Variants in DLG2 observed in about 807,000 individuals in gnomAD.
The protein encoded by DLG2 is disks large homolog 2.
In DLG2, 45 loss-of-function variants were observed where a neutral mutation model predicts 132.5. The observed-to-expected ratio is 0.34, with a 90% CI of 0.27 to 0.44. DLG2 has a LOEUF of 0.44. Ranked by LOEUF, DLG2 falls within the 20% of genes least tolerant of loss-of-function variation. The pLI, the probability that DLG2 is intolerant of heterozygous loss-of-function variation, is 1.00. For missense variants in DLG2, 1,045 were observed against 1,196.9 expected, an observed-to-expected ratio of 0.87 and a Z score of 1.87; for synonymous variants, 424 against 419.6, an observed-to-expected ratio of 1.01 and a Z score of -0.13.
chr11:83,842,563 T>G (rs2057817986), intron 16 of DLG2, among the ~76,000 whole-genome samples: 1 of 137,992 alleles, frequency 7.2e-6, no homozygotes, highest in African/African-American at 2.7e-5. Flanking sequence ...GCACGGTGGC[T>G]CATGCTTGTA....
intron 6 of DLG2, among the ~76,000 whole-genome samples, chr11:84,841,661 A>C (rs1014753957): frequency 2.0e-5 from 3 of 152,022 alleles, no homozygotes; most frequent in Admixed American, 2.0e-4. Context: ...TCTGAAAAAC[A>C]CACCACTGAA....
intron 3 of DLG2, among the ~76,000 whole-genome samples, chr11:85,346,727 A>G (rs2152870104): frequency 6.6e-6 from 1 of 152,208 alleles, no homozygotes; most frequent in South Asian, 2.1e-4. Flanking sequence ...CTCAAAATGG[A>G]GTCGCTTTGG....
At chr11:85,210,780 A>T (rs1266460521) in intron 4 of DLG2, among the ~76,000 whole-genome samples, 1 of 152,094 alleles carries the variant, frequency 6.6e-6, no homozygotes, top group Non-Finnish European at 1.5e-5. Context: ...GGGCTCAGGA[A>T]CTACCCATCA....
rs113779255 is a variant in DLG2, at chr11:84,127,824, G to T, written c.625-28777C>A. The stretch of plus-strand genomic sequence containing the variant: ...TTTTCTGTAAGAAACAGTCCTTATT[G>T]GATTAGGGCCCACCCTAATGACCTC... On this transcript the variant is annotated intron_variant, in intron 9 of 27. Coordinates refer to ENST00000376104, the MANE Select transcript of DLG2 (RefSeq NM_001142699.3). Among the ~76,000 whole-genome samples the T allele has an allele frequency of 6.4e-3, 970 of 152,048 alleles. 9 individuals carry two copies. Among genetic ancestry groups the T allele is most frequent in the African/African-American group, 0.022 (932 of 41,458 alleles).
intron 5 of DLG2, among the ~76,000 whole-genome samples, chr11:85,122,452 T>A (rs561305262): frequency 6.6e-6 from 1 of 152,296 alleles, no homozygotes; most frequent in African/African-American, 2.4e-5. Flanking sequence ...GGAAACCAAA[T>A]GTTATTGATT....
chr11:83,659,529 C>T (rs1817993730), intron 18 of DLG2, among the ~76,000 whole-genome samples: 1 of 152,230 alleles, frequency 6.6e-6, no homozygotes, highest in African/African-American at 2.4e-5. Context: ...ACTCACCTGG[C>T]AGGCCAATAG....
chr11:83,764,307 C>A (rs1395871597), intron 18 of DLG2, among the ~76,000 whole-genome samples: 1 of 152,104 alleles, frequency 6.6e-6, no homozygotes, highest in Non-Finnish European at 1.5e-5. Context: ...CCACTCCCAG[C>A]TTTTGGAACT....
intron 18 of DLG2, among the ~76,000 whole-genome samples, chr11:83,723,985 C>G (rs2089371968): frequency 1.3e-5 from 2 of 152,172 alleles, no homozygotes; most frequent in African/African-American, 4.8e-5. Flanking sequence ...GATTTGAATT[C>G]AGGCAGAATA....
At chr11:84,299,046 A>C (rs1286783109) in intron 7 of DLG2, among the ~76,000 whole-genome samples, 1 of 152,242 alleles carries the variant, frequency 6.6e-6, no homozygotes, top group Non-Finnish European at 1.5e-5. Flanking sequence ...ATTATCACAC[A>C]CATTTAAGAA....
At chr11:84,254,934 T>C (rs965196170) in intron 7 of DLG2, among the ~76,000 whole-genome samples, 3 of 152,214 alleles carry the variant, frequency 2.0e-5, no homozygotes, top group Non-Finnish European at 2.9e-5. Context: ...ACACCTGACA[T>C]TGGTAACGCC....
chr11:83,626,960 CCTT>C (rs1163639686), intron 19 of DLG2, among the ~76,000 whole-genome samples: 1 of 151,664 alleles, frequency 6.6e-6, no homozygotes, highest in Non-Finnish European at 1.5e-5. Flanking sequence ...GAAAGTCTAT[CCTT>C]CTTCCTTTGC....
intron 6 of DLG2, among the ~76,000 whole-genome samples, chr11:84,949,931 A>G (rs912476024): frequency 2.6e-5 from 4 of 152,178 alleles, no homozygotes; most frequent in African/African-American, 9.7e-5. Context: ...AATCTTTACA[A>G]TTTATGTTTA....
chr11:85,051,740 T>C (rs1409040593), intron 6 of DLG2, among the ~76,000 whole-genome samples: 1 of 152,194 alleles, frequency 6.6e-6, no homozygotes, highest in Non-Finnish European at 1.5e-5. Context: ...GTCTCATTTT[T>C]TCTAGTCTTT....
intron 6 of DLG2, among the ~76,000 whole-genome samples, chr11:85,055,346 T>C (rs2063342411): frequency 6.6e-6 from 1 of 152,160 alleles, no homozygotes; most frequent in Non-Finnish European, 1.5e-5. Context: ...AAGGATGGAT[T>C]ATAAAAAATA....
intron 15 of DLG2, among the ~76,000 whole-genome samples, chr11:83,901,389 T>C (rs187609255): frequency 6.4e-4 from 97 of 152,276 alleles, no homozygotes; most frequent in African/African-American, 2.2e-3. Flanking sequence ...TCTCATTTTG[T>C]ATCTCCCAGA....
chr11:84,581,070 G>C (rs1217231743), intron 6 of DLG2, among the ~76,000 whole-genome samples: 2 of 152,110 alleles, frequency 1.3e-5, no homozygotes, highest in African/African-American at 2.4e-5. Context: ...CAGTATTTGT[G>C]GTTAAACAGC....
intron 7 of DLG2, among the ~76,000 whole-genome samples, chr11:84,352,623 T>C (rs981567127): frequency 1.3e-5 from 2 of 152,178 alleles, no homozygotes; most frequent in African/African-American, 2.4e-5. Flanking sequence ...ATATACACAT[T>C]GTTGCTTATC....
At chr11:84,931,069 C>A (rs552507824) in intron 6 of DLG2, among the ~76,000 whole-genome samples, 9 of 152,192 alleles carry the variant, frequency 5.9e-5, no homozygotes, top group African/African-American at 1.9e-4. Flanking sequence ...CACTTCTGGG[C>A]AGATTCCAAA....
At chr11:85,423,855 C>T (rs2090508378) in intron 3 of DLG2, among the ~76,000 whole-genome samples, 1 of 152,172 alleles carries the variant, frequency 6.6e-6, no homozygotes, top group African/African-American at 2.4e-5. Flanking sequence ...TACCTGCATC[C>T]CAGCTGCAAA....
Sources: gnomAD v4.1 joint callset for allele counts (sites outside exome capture counted in the v4.1 genomes callset) on GRCh38, gnomAD v4.1.1 for gene constraint, MANE v1.5 for transcripts, NCBI Gene and HGNC (gene_info 2026-07-23, HGNC 2026-07-21) for gene names.